The following PANX1 variants were observed in gnomAD, a reference collection of about 807,000 sequenced individuals.
PANX1 encodes the protein pannexin-1.
A neutral mutation model predicts 38.7 loss-of-function variants in PANX1; 30 were observed. That is an observed-to-expected ratio of 0.78 (90% CI 0.58 to 1.05). The LOEUF is 1.05. Ranked by LOEUF, PANX1 falls within the 50% of genes least tolerant of loss-of-function variation. The pLI is 0.00. For missense variants in PANX1, 551 were observed against 517.2 expected (o/e 1.07, Z -0.63); for synonymous variants, 230 against 212.2 (o/e 1.08, Z -0.73).
At chr11:94,180,351 T>C in intron 4 of PANX1, 94 bp downstream of exon 4, 1 of 1,090,014 alleles carries the variant, frequency 9.2e-7, no homozygotes, top group Non-Finnish European at 1.3e-6. Flanking sequence ...CTGCCCATCA[T>C]TTAAACCATT....
chr11:94,151,924 A>C (rs1946886564), intron 1 of PANX1, among the ~76,000 whole-genome samples: 1 of 152,146 alleles, frequency 6.6e-6, no homozygotes. Context: ...TGGGGAAGAA[A>C]TGCTCAGGGC....
Position 94,153,475 on chromosome 11 carries a change from C to G in PANX1, c.182-16C>G. On this transcript the variant is annotated splice_polypyrimidine_tract_variant and intron_variant, in intron 1 of 4. Transcript: ENST00000227638. The stretch of plus-strand genomic sequence containing the variant: ...AAGCTGTGTTTTCATTGGAAACTAT[C>G]TGTTTTGCTTCTTAGGTACACAGAT... The G allele has an allele frequency of 6.2e-7, 1 of 1,612,846 alleles. No individual in the cohort carries two copies. The highest frequency in any genetic ancestry group is 8.5e-7 in the Non-Finnish European group (1 of 1,179,334).
Position 94,178,517 on chromosome 11 carries a change from C to G in PANX1, c.470C>G (p.Ala157Gly). 6 of 1,614,134 alleles carry G rather than the reference C, an allele frequency of 3.7e-6. No homozygotes were observed. The highest frequency in any genetic ancestry group is 5.1e-6 in the Non-Finnish European group (6 of 1,180,008). ...DKVYNRAIKA[A>G]KSARDLDMRD... Reference sequence around the variant, plus strand: ...GTTTACAACCGTGCAATTAAGGCTGCAAAGAGTGCGCGTGACCTTGACATG... The same window carrying G: ...GTTTACAACCGTGCAATTAAGGCTGGAAAGAGTGCGCGTGACCTTGACATG... Residue 157 changes from alanine to glycine, a missense_variant, in exon 3 of 5, where the codon GCA becomes GGA. By Grantham distance (60) the Ala-to-Gly change is moderately conservative. Transcript: ENST00000227638.
At chr11:94,152,923 G>A (rs1395013393) in intron 1 of PANX1, among the ~76,000 whole-genome samples, 6 of 152,126 alleles carry the variant, frequency 3.9e-5, no homozygotes, top group African/African-American at 1.4e-4. Context: ...CCTTCCAAAT[G>A]TAAACCAGTT....
At chr11:94,160,830 TAG>T (rs1237047256) in intron 2 of PANX1, among the ~76,000 whole-genome samples, 3 of 152,242 alleles carry the variant, frequency 2.0e-5, no homozygotes, top group African/African-American at 7.2e-5. Flanking sequence ...CGATGGTCTT[TAG>T]AATTTGGCAT....
intron 1 of PANX1, among the ~76,000 whole-genome samples, chr11:94,142,203 CCTA>C (rs1245950856): frequency 1.3e-5 from 2 of 152,186 alleles, no homozygotes; most frequent in East Asian, 3.9e-4. Flanking sequence ...GATTATCTTC[CCTA>C]CCCCTTGGAT....
intron 1 of PANX1, among the ~76,000 whole-genome samples, chr11:94,131,947 C>G (rs1272407463): frequency 6.6e-6 from 1 of 152,128 alleles, no homozygotes; most frequent in Non-Finnish European, 1.5e-5. Context: ...GAACTCAGGC[C>G]CCGGGAAGAC....
intron 2 of PANX1, among the ~76,000 whole-genome samples, chr11:94,174,570 T>A (rs1349244229): frequency 1.3e-5 from 2 of 151,820 alleles, no homozygotes; most frequent in East Asian, 3.9e-4. Context: ...AGTACCTACA[T>A]GTTTTGATGA....
chr11:94,137,138 T>C (rs1946703245), intron 1 of PANX1, among the ~76,000 whole-genome samples: 1 of 152,054 alleles, frequency 6.6e-6, no homozygotes, highest in Non-Finnish European at 1.5e-5. Context: ...ACTCCGTCTC[T>C]ACTTAAAATA....
intron 1 of PANX1, among the ~76,000 whole-genome samples, chr11:94,132,211 G>C (rs1219778442): frequency 6.6e-6 from 1 of 152,104 alleles, no homozygotes; most frequent in East Asian, 1.9e-4. Context: ...TTGGCAATGG[G>C]GTGTCAGACA....
At chr11:94,166,405 T>C (rs1947101655) in intron 2 of PANX1, among the ~76,000 whole-genome samples, 1 of 152,226 alleles carries the variant, frequency 6.6e-6, no homozygotes, top group East Asian at 1.9e-4. Flanking sequence ...ACCTTTATGT[T>C]TGAAGGATAA....
At chr11:94,137,220 C>T (rs1269989609) in intron 1 of PANX1, among the ~76,000 whole-genome samples, 1 of 152,138 alleles carries the variant, frequency 6.6e-6, no homozygotes, top group Non-Finnish European at 1.5e-5. Context: ...AGGAGAATCG[C>T]TTGAACGCGG....
intron 2 of PANX1, among the ~76,000 whole-genome samples, chr11:94,172,035 G>T (rs550488376): frequency 6.6e-6 from 1 of 150,906 alleles, no homozygotes; most frequent in East Asian, 1.9e-4. Flanking sequence ...AGAAAAACAA[G>T]AACAAAATTA....
chr11:94,131,864 A>C (rs985847006), intron 1 of PANX1, among the ~76,000 whole-genome samples: 2 of 152,196 alleles, frequency 1.3e-5, no homozygotes, highest in African/African-American at 4.8e-5. Flanking sequence ...ACAAACCAAA[A>C]AAAAGAACAG....
At chr11:94,135,579 C>T (rs908824062) in intron 1 of PANX1, among the ~76,000 whole-genome samples, 1 of 152,176 alleles carries the variant, frequency 6.6e-6, no homozygotes, top group African/African-American at 2.4e-5. Flanking sequence ...TATAATAGAA[C>T]ATCTTCAACT....
chr11:94,167,884 G>T (rs1009688383), intron 2 of PANX1, among the ~76,000 whole-genome samples: 2 of 152,212 alleles, frequency 1.3e-5, no homozygotes, highest in Non-Finnish European at 2.9e-5. Flanking sequence ...GGAATAATCA[G>T]CTAAATGGTA....
In PANX1 at chr11:94,129,327, A is replaced by C. The variant is rs1138800; in HGVS notation, c.15A>C (p.Gln5His). Residue 5 changes from glutamine to histidine, a missense_variant, in exon 1 of 5, where the codon CAA (glutamine) becomes CAC (histidine). Physicochemically the swap from Gln to His is conservative, Grantham distance 24. Transcript: ENST00000227638. MAIA[Q>H]LATEYVFSDF... ...GCGCCGCAGCCATGGCCATCGCTCA[A>C]CTGGCCACGGAGTACGTGTTCTCGG... The C allele has an allele frequency of 0.65, 1,041,932 of 1,609,576 alleles. 339,935 individuals carry two copies. Among genetic ancestry groups the C allele is most frequent in the African/African-American group, 0.83 (62,065 of 74,922 alleles).
chr11:94,147,598 G>C (rs1010900416), intron 1 of PANX1, among the ~76,000 whole-genome samples: 1 of 152,084 alleles, frequency 6.6e-6, no homozygotes, highest in Admixed American at 6.6e-5. Context: ...CCTCCTTCTC[G>C]TTTCTGTTGC....
intron 4 of PANX1, 106 bp downstream of exon 4, chr11:94,180,363 C>G: frequency 9.8e-7 from 1 of 1,021,130 alleles, no homozygotes; most frequent in Non-Finnish European, 1.4e-6. Flanking sequence ...TAAACCATTT[C>G]CAAGCATTAA....
Sources: allele counts gnomAD v4.1 joint callset (sites outside exome capture counted in the v4.1 genomes callset), GRCh38; gene constraint gnomAD v4.1.1; transcripts MANE v1.5; gene names NCBI Gene and HGNC (gene_info 2026-07-23, HGNC 2026-07-21).